PLAAT1: variants seen among roughly 807,000 people sequenced by gnomAD.
The protein encoded by PLAAT1 is H-REV107 protein-related protein.
A neutral mutation model predicts 16.4 loss-of-function variants in PLAAT1; 13 were observed. That is an observed-to-expected ratio of 0.79 (90% CI 0.52 to 1.26). PLAAT1 has a LOEUF of 1.26. Ranked by LOEUF, PLAAT1 falls within the 50% of genes most tolerant of loss-of-function variation. The pLI, the probability that PLAAT1 is intolerant of heterozygous loss-of-function variation, is 0.00. For missense variants in PLAAT1, 218 were observed against 207.8 expected (o/e 1.05, Z -0.30); for synonymous variants, 73 against 78.4 (o/e 0.93, Z 0.36).
chr3:193,249,237 T>C (rs1716101398), intron 1 of PLAAT1, among the ~76,000 whole-genome samples: 2 of 152,162 alleles, frequency 1.3e-5, no homozygotes, highest in Non-Finnish European at 2.9e-5. Flanking sequence ...CTATCTTCTC[T>C]TTGTCTTTAA....
At chr3:193,249,855 A>G (rs1219021702) in intron 1 of PLAAT1, among the ~76,000 whole-genome samples, 2 of 151,240 alleles carry the variant, frequency 1.3e-5, no homozygotes, top group Admixed American at 1.3e-4. Flanking sequence ...ACTTTTTAAT[A>G]TTTTCTGTCT....
intron 1 of PLAAT1, among the ~76,000 whole-genome samples, chr3:193,247,593 G>T (rs1716027242): frequency 6.6e-6 from 1 of 152,192 alleles, no homozygotes; most frequent in Non-Finnish European, 1.5e-5. Flanking sequence ...CCCAGACCTA[G>T]CTGAGCTAAG....
chr3:193,251,796 A>C (rs773907846), intron 1 of PLAAT1, among the ~76,000 whole-genome samples: 17 of 152,090 alleles, frequency 1.1e-4, no homozygotes, highest in Non-Finnish European at 1.6e-4. Flanking sequence ...GGAGTCTTTC[A>C]GCTGGATTCT....
At chr3:193,266,435 A>T (rs537891825) in intron 3 of PLAAT1, among the ~76,000 whole-genome samples, 2 of 152,196 alleles carry the variant, frequency 1.3e-5, no homozygotes, top group African/African-American at 4.8e-5. Flanking sequence ...CACCTTTCAC[A>T]TCTAGACCCA....
At chr3:193,251,072 G>T (rs1716177031) in intron 1 of PLAAT1, among the ~76,000 whole-genome samples, 1 of 152,066 alleles carries the variant, frequency 6.6e-6, no homozygotes, top group Non-Finnish European at 1.5e-5. Context: ...TTTGCAGGTG[G>T]AGTCTTCTAG....
At chr3:193,255,175 A>G (rs193184863) in intron 1 of PLAAT1, among the ~76,000 whole-genome samples, 52 of 152,352 alleles carry the variant, frequency 3.4e-4, no homozygotes, top group Non-Finnish European at 5.4e-4. Flanking sequence ...AAGTGCAAGC[A>G]TATAAACCCT....
At position 193,263,039 on chromosome 3, in the gene PLAAT1, T is replaced by A. The variant is rs1379690869; in HGVS notation, c.209T>A (p.Leu70His). 28 of 1,613,992 alleles carry A rather than the reference T, an allele frequency of 1.7e-5. No individual in the cohort carries two copies. The highest frequency in any genetic ancestry group is 2.2e-5 in the Non-Finnish European group (26 of 1,180,030). Residue 70 changes from leucine (L) to histidine (H), a missense_variant, in exon 3 of 4, where the codon CTC (leucine) becomes CAC (histidine). Physicochemically the swap from Leu to His is moderately conservative, Grantham distance 99. Transcript: ENST00000264735. ...FSSKALVKMQ[L>H]LKDVVGNDTY... Reference sequence around the variant, plus strand: ...AGTAAGGCCCTGGTGAAAATGCAGCTCTTGAAGGATGTTGTGGGAAATGAC... The same window carrying A: ...AGTAAGGCCCTGGTGAAAATGCAGCACTTGAAGGATGTTGTGGGAAATGAC...
chr3:193,278,028 T>G (rs1717304025), downstream of PLAAT1, among the ~76,000 whole-genome samples: 1 of 152,148 alleles, frequency 6.6e-6, no homozygotes, highest in African/African-American at 2.4e-5. Context: ...GGTCTTGAAC[T>G]CCTGACCTCA....
downstream of PLAAT1, chr3:193,275,347 C>A: frequency 6.3e-7 from 1 of 1,596,784 alleles, no homozygotes; most frequent in Non-Finnish European, 8.5e-7. Flanking sequence ...GCGCAGGTCC[C>A]CCTGCAGCCA....
At chr3:193,268,830 T>C (rs1223438994) in intron 3 of PLAAT1, among the ~76,000 whole-genome samples, 1 of 152,182 alleles carries the variant, frequency 6.6e-6, no homozygotes, top group Non-Finnish European at 1.5e-5. Flanking sequence ...TAACATCTTG[T>C]GTTTCTAGTG....
intron 3 of PLAAT1, among the ~76,000 whole-genome samples, chr3:193,267,439 C>G (rs1716819172): frequency 6.6e-6 from 1 of 151,968 alleles, no homozygotes; most frequent in Non-Finnish European, 1.5e-5. Context: ...TGCAGAATAT[C>G]ATGTTGCTGA....
At chr3:193,259,518 C>T (rs1397677391) in intron 2 of PLAAT1, among the ~76,000 whole-genome samples, 1 of 152,158 alleles carries the variant, frequency 6.6e-6, no homozygotes, top group South Asian at 2.1e-4. Context: ...TGATAAACAA[C>T]TTCAGTAAAT....
intron 3 of PLAAT1, 132 bp downstream of exon 3, chr3:193,263,367 GA>G: frequency 1.2e-6 from 1 of 860,680 alleles, no homozygotes. Flanking sequence ...GAATGGACTT[GA>G]GTTGTCCAAG....
chr3:193,258,978 A>G (rs1383141555), intron 2 of PLAAT1, among the ~76,000 whole-genome samples: 3 of 152,196 alleles, frequency 2.0e-5, no homozygotes, highest in African/African-American at 7.2e-5. Flanking sequence ...AGTATTCCTG[A>G]TGAACATAGA....
At chr3:193,263,950 A>G (rs115518789) in intron 3 of PLAAT1, among the ~76,000 whole-genome samples, 37 of 152,320 alleles carry the variant, frequency 2.4e-4, no homozygotes, top group Admixed American at 6.5e-4. Flanking sequence ...AAGGTGATAA[A>G]AGAGAATGGA....
downstream of PLAAT1, among the ~76,000 whole-genome samples, chr3:193,273,705 T>C (rs553552677): frequency 6.6e-6 from 1 of 152,340 alleles, no homozygotes; most frequent in South Asian, 2.1e-4. Context: ...ATAAATTTTC[T>C]CTCAAGTTTA....
At chr3:193,245,790 T>A (rs1238910050) in intron 1 of PLAAT1, among the ~76,000 whole-genome samples, 1 of 152,198 alleles carries the variant, frequency 6.6e-6, no homozygotes, top group Non-Finnish European at 1.5e-5. Context: ...ATTAGAGATG[T>A]TGAGTATTTT....
intron 1 of PLAAT1, among the ~76,000 whole-genome samples, chr3:193,254,196 G>A (rs1000504080): frequency 3.3e-5 from 5 of 152,076 alleles, no homozygotes; most frequent in African/African-American, 1.2e-4. Flanking sequence ...ATTTGGCCAC[G>A]TTTCTGTGAC....
chr3:193,273,225 C>A (rs188862758), downstream of PLAAT1, among the ~76,000 whole-genome samples: 6 of 152,216 alleles, frequency 3.9e-5, no homozygotes, highest in East Asian at 1.2e-3. Context: ...GCTCAAGGAA[C>A]CTGAACTACC....
Sources: allele counts gnomAD v4.1 joint callset (sites outside exome capture counted in the v4.1 genomes callset), GRCh38; gene constraint gnomAD v4.1.1; transcripts MANE v1.5; gene names NCBI Gene and HGNC (gene_info 2026-07-23, HGNC 2026-07-21).